Variants in TIMP2 observed in about 807,000 individuals in gnomAD.
TIMP2 encodes the protein TIMP metallopeptidase inhibitor 2.
TIMP2 carries 5 observed loss-of-function variants against 24.3 expected under a neutral mutation model. That is an observed-to-expected ratio of 0.21 (90% CI 0.11 to 0.43). The LOEUF is 0.43. Among genes scored for constraint, TIMP2 ranks in the 20% least tolerant of loss-of-function variants. TIMP2 has a pLI of 1.00. For missense variants in TIMP2, 221 were observed against 297.5 expected (o/e 0.74, Z 1.89); for synonymous variants, 130 against 123.2 (o/e 1.06, Z -0.37).
Position 78,855,498 on chromosome 17 carries a change from A to G in TIMP2, c.*169T>C. 1.2e-6 allele frequency: 1 copy of G among 812,928 alleles called. No individual in the cohort carries two copies. The highest frequency in any genetic ancestry group is 1.9e-6 in the Non-Finnish European group (1 of 525,536). 50.4% of individuals were successfully genotyped at this position (812,928 alleles called of 1,614,324 possible). A position where few individuals can be genotyped will look rare whatever the true frequency, so the allele number is the denominator to read the frequency against. ...ACCTTGGACCCACGTCTCCCTCCAGACCCACAACCATGTCTAAAAGGAGAA... is the reference window on the plus strand; with the variant it reads ...ACCTTGGACCCACGTCTCCCTCCAGGCCCACAACCATGTCTAAAAGGAGAA... On this transcript the variant is annotated 3_prime_UTR_variant, in exon 5 of 5. Coordinates refer to ENST00000262768, the MANE Select transcript of TIMP2 (RefSeq NM_003255.5). This position sits in a 1 kb window ranked among gnomAD's most constrained non-coding sequence, Gnocchi z 6.0.
chr17:78,891,542 T>C lies in TIMP2; in HGVS notation c.131-17623A>G, dbSNP rs560639210. 1.9e-6 allele frequency: 3 copies of C among 1,551,016 alleles called. No homozygotes were observed. The South Asian group carries it at 3.6e-5, about 18-fold the overall frequency. ...GCACTGAGATGCTGGGGACACGGCTTCCCTTCTGCAGCTGGAATCAGCTGG... is the reference window on the plus strand; with the variant it reads ...GCACTGAGATGCTGGGGACACGGCTCCCCTTCTGCAGCTGGAATCAGCTGG... On this transcript the variant is annotated intron_variant, in intron 1 of 4. Transcript: ENST00000262768. This position sits in a 1 kb window ranked among gnomAD's most constrained non-coding sequence, Gnocchi z 4.5.
chr17:78,891,279 G>A lies in TIMP2; in HGVS notation c.131-17360C>T. The A allele has an allele frequency of 6.4e-7, 1 of 1,550,546 alleles. No individual in the cohort carries two copies. Among genetic ancestry groups the A allele is most frequent in the Non-Finnish European group, 8.7e-7 (1 of 1,146,990 alleles). On this transcript the variant is annotated intron_variant, in intron 1 of 4. Coordinates refer to ENST00000262768, the MANE Select transcript of TIMP2 (RefSeq NM_003255.5). This position sits in a 1 kb window ranked among gnomAD's most constrained non-coding sequence, Gnocchi z 4.5. ...GCCTGCTGCGCCTCCTCCTCTGCTG[G>A]GCTCCTGGGTTCCCCGGCAGGCAGC...
At chr17:78,863,971 C>T (rs181156120) in intron 3 of TIMP2, among the ~76,000 whole-genome samples, 1 of 152,166 alleles carries the variant, frequency 6.6e-6, no homozygotes, top group Non-Finnish European at 1.5e-5. Flanking sequence ...AGGACATTAA[C>T]GAGTCAGGTG....
At chr17:78,878,367 T>C (rs893153747) in intron 1 of TIMP2, among the ~76,000 whole-genome samples, 2 of 152,144 alleles carry the variant, frequency 1.3e-5, no homozygotes, top group Non-Finnish European at 2.9e-5. Context: ...TGGTGACTGT[T>C]AGAGGGGCTG....
Position 78,855,870 on chromosome 17 carries a change from G to A in TIMP2, c.466-6C>T, listed in dbSNP as rs1258163561. The stretch of plus-strand genomic sequence containing the variant: ...ATCATGGGGCAGCGCGTGATCTGGG[G>A]AGGGGCACACGGAGGGGGACGGAGT... On this transcript the variant is annotated splice_region_variant and splice_polypyrimidine_tract_variant and intron_variant, in intron 4 of 4. Transcript: ENST00000262768. This position sits in a 1 kb window ranked among gnomAD's most constrained non-coding sequence, Gnocchi z 6.0. The A allele has an allele frequency of 1.2e-6, 2 of 1,613,692 alleles. No homozygotes were observed. Among genetic ancestry groups the A allele is most frequent in the Non-Finnish European group, 1.7e-6 (2 of 1,179,966 alleles).
rs1321001993 is a variant in TIMP2 at position 78,891,062 on chromosome 17, G to A, written c.131-17143C>T. 3.2e-6 allele frequency: 5 copies of A among 1,550,940 alleles called. No homozygotes were observed. The African/African-American group carries it at 6.8e-5, about 21-fold the overall frequency. On this transcript the variant is annotated intron_variant, in intron 1 of 4. Coordinates refer to ENST00000262768, the MANE Select transcript of TIMP2 (RefSeq NM_003255.5). This position sits in a 1 kb window ranked among gnomAD's most constrained non-coding sequence, Gnocchi z 4.5. ...AAGGTGGAGCTGAAGGGAGCCCTCTGCCAGCGTGCCCAGTTTGGGGGTCTC... is the reference window on the plus strand; with the variant it reads ...AAGGTGGAGCTGAAGGGAGCCCTCTACCAGCGTGCCCAGTTTGGGGGTCTC...
intron 1 of TIMP2, among the ~76,000 whole-genome samples, chr17:78,909,610 C>T (rs1273133481): frequency 4.6e-5 from 7 of 152,188 alleles, no homozygotes; most frequent in East Asian, 1.9e-4. Context: ...CGTGGGCAAA[C>T]GGATTATGTC....
intron 1 of TIMP2, among the ~76,000 whole-genome samples, chr17:78,910,482 C>T (rs779563966): frequency 1.3e-5 from 2 of 152,180 alleles, no homozygotes; most frequent in Non-Finnish European, 2.9e-5. Flanking sequence ...TGTGGGCCAC[C>T]GCCTGGCCTA....
intron 1 of TIMP2, among the ~76,000 whole-genome samples, chr17:78,907,602 G>C (rs1568006561): frequency 6.6e-6 from 1 of 152,162 alleles, no homozygotes; most frequent in Non-Finnish European, 1.5e-5. Context: ...TTGAAATATT[G>C]CAAGAATTAT....
chr17:78,868,589 C>T (rs746535681), intron 3 of TIMP2, among the ~76,000 whole-genome samples: 3 of 152,152 alleles, frequency 2.0e-5, no homozygotes, highest in Non-Finnish European at 2.9e-5. Flanking sequence ...GATCAGATTC[C>T]TACTTCCCCA....
intron 1 of TIMP2, among the ~76,000 whole-genome samples, chr17:78,915,436 C>T (rs544602743): frequency 2.0e-5 from 3 of 152,252 alleles, no homozygotes; most frequent in South Asian, 2.1e-4. Context: ...ACAGCCTAGA[C>T]CATTCATCCC....
At position 78,856,219 on chromosome 17, in the gene TIMP2, C is replaced by T. The variant is rs1238008379; in HGVS notation, c.466-355G>A. On this transcript the variant is annotated intron_variant, in intron 4 of 4. Transcript: ENST00000262768. ...TGGGTTTCCTGGAGACAGATTCCAG[C>T]CCAGTGTTGCTCGCAAGCCGAGCCC... 12 of 287,238 alleles carry T rather than the reference C, an allele frequency of 4.2e-5. No individual in the cohort carries two copies. In the East Asian group the frequency reaches 7.5e-4, roughly 18 times the overall value. The allele number at this position is 287,238 out of a possible 1,614,324, so 17.8% of individuals were successfully genotyped here.
intron 2 of TIMP2, 69 bp downstream of exon 2, chr17:78,873,750 T>C: frequency 7.4e-7 from 1 of 1,354,416 alleles, no homozygotes; most frequent in Non-Finnish European, 1.0e-6. Flanking sequence ...GGACCCAGGC[T>C]CTCTGCCAAC....
chr17:78,870,188 G>C (rs2069664632), intron 3 of TIMP2, among the ~76,000 whole-genome samples: 1 of 152,162 alleles, frequency 6.6e-6, no homozygotes, highest in South Asian at 2.1e-4. Flanking sequence ...GGCCGAGGTG[G>C]GTGGATCACC....
At chr17:78,890,679 C>T (rs751797780) in intron 1 of TIMP2, 108 of 1,550,406 alleles carry the variant, frequency 7.0e-5, no homozygotes, top group Non-Finnish European at 8.9e-5. Context: ...TTCCGGGCTT[C>T]TTCAAGAAAC....
chr17:78,853,987 T>C lies in TIMP2; in HGVS notation c.*1680A>G, dbSNP rs1275704450. ...AAAACGCCCGTGGGGCAGGGGCCGA[T>C]TCCTGGATACCCTCCCAGTCTGCCC... On this transcript the variant is annotated 3_prime_UTR_variant, in exon 5 of 5. Transcript: ENST00000262768. 3 of 152,190 alleles carry C rather than the reference T, an allele frequency of 2.0e-5. No homozygotes were observed. Among genetic ancestry groups the C allele is most frequent in the Non-Finnish European group, 4.4e-5 (3 of 68,096 alleles). 9.4% of individuals were successfully genotyped at this position (152,190 alleles called of 1,614,324 possible). A position where few individuals can be genotyped will look rare whatever the true frequency, so the allele number is the denominator to read the frequency against.
chr17:78,912,666 G>A (rs2070219596), intron 1 of TIMP2, among the ~76,000 whole-genome samples: 1 of 152,216 alleles, frequency 6.6e-6, no homozygotes, highest in Admixed American at 6.5e-5. Context: ...GGAAAGCAGG[G>A]AACAGGCAAT....
intron 1 of TIMP2, among the ~76,000 whole-genome samples, chr17:78,913,452 T>A (rs187425926): frequency 2.0e-5 from 3 of 152,258 alleles, no homozygotes; most frequent in Non-Finnish European, 4.4e-5. Flanking sequence ...GGTTCACGCT[T>A]GTAATCCCAG....
intron 1 of TIMP2, among the ~76,000 whole-genome samples, chr17:78,895,373 A>T (rs1296750726): frequency 6.6e-6 from 1 of 152,226 alleles, no homozygotes; most frequent in African/African-American, 2.4e-5. Context: ...GCACATAAAA[A>T]CATGTTCAAC....
Sources: gnomAD v4.1 joint callset for allele counts (sites outside exome capture counted in the v4.1 genomes callset) on GRCh38, gnomAD v4.1.1 for gene constraint, Gnocchi (gnomAD v3.1) non-coding constraint, MANE v1.5 for transcripts, NCBI Gene and HGNC (gene_info 2026-07-23, HGNC 2026-07-21) for gene names.